JAKMIP3: variants seen among roughly 807,000 people sequenced by gnomAD.
The protein encoded by JAKMIP3 is janus kinase and microtubule-interacting protein 3.
JAKMIP3 carries 58 observed loss-of-function variants against 118.5 expected under a neutral mutation model. The ratio of observed to expected loss-of-function variants is 0.49; its 90% CI spans 0.40 to 0.61. JAKMIP3 has a LOEUF of 0.61. Among genes scored for constraint, JAKMIP3 ranks in the 20% least tolerant of loss-of-function variants. JAKMIP3 has a pLI of 0.00. For synonymous variants in JAKMIP3, 486 were observed against 451.2 expected (o/e 1.08, Z -0.98); for missense variants, 950 against 1,109.0 (o/e 0.86, Z 2.04).
rs564844954 is a variant in JAKMIP3, at chr10:132,054,890, C to T, written c.-138+18152C>T. ...CTGCACTCCTACACCGAGGACCCTC[C>T]GCTTGGGGATAGTGAGAGTCCTGCA... On this transcript the variant is annotated intron_variant, in intron 1 of 23. Coordinates refer to the JAKMIP3 transcript ENST00000657785. Among the ~76,000 whole-genome samples the T allele has an allele frequency of 5.9e-5, 9 of 151,840 alleles. No homozygotes were observed. In the South Asian group the frequency reaches 6.3e-4, roughly 11 times the overall value.
At position 132,116,345 on chromosome 10, in the gene JAKMIP3, C is replaced by T. The variant is rs543073387; in HGVS notation, c.136-732C>T. On this transcript the variant is annotated intron_variant, in intron 2 of 23. Transcript: ENST00000684848. ...GATGTGTGAGTGTGTGCATCATGGA[C>T]GCTCCCCCCGAATACACATTCAGGT... Among the ~76,000 whole-genome samples, 100 of 151,794 alleles carry T rather than the reference C, an allele frequency of 6.6e-4. 4 individuals are homozygous for T. In the South Asian group the frequency reaches 0.018, roughly 27 times the overall value.
intron 12 of JAKMIP3, among the ~76,000 whole-genome samples, 151 bp downstream of exon 12, chr10:132,145,341 G>A (rs1464208663): frequency 1.3e-5 from 2 of 152,232 alleles, no homozygotes. Flanking sequence ...AGCCTCCTGA[G>A]TAGCTGGGAC....
At chr10:132,143,909 AGGGCTCACATCCACGATTGT>A (rs974984833) in intron 11 of JAKMIP3, 6 of 152,250 alleles carry the variant, frequency 3.9e-5, no homozygotes, top group African/African-American at 1.4e-4. Context: ...CTCCAACCCA[AGGGCTCACATCCACGATTGT>A]GACCCCTTAA....
chr10:132,043,774 G>A (rs919645233), intron 1 of JAKMIP3, among the ~76,000 whole-genome samples: 13 of 152,200 alleles, frequency 8.5e-5, no homozygotes, highest in African/African-American at 3.1e-4. Context: ...ACCATGTGGG[G>A]AGGAAGAATT....
At chr10:132,097,976 TCCCC>T in intron 1 of JAKMIP3, among the ~76,000 whole-genome samples, 1 of 18,140 alleles carries the variant, frequency 5.5e-5, no homozygotes, top group Non-Finnish European at 1.2e-4. Context: ...CTTCCTTTTC[TCCCC>T]TTCCCCTTCC....
chr10:132,147,769 T>G (rs151054806), intron 13 of JAKMIP3, among the ~76,000 whole-genome samples, 183 bp from the exon 14 acceptor site: 1 of 152,360 alleles, frequency 6.6e-6, no homozygotes, highest in East Asian at 1.9e-4. Context: ...ACCGGATGGC[T>G]AGGCTATCTC....
intron 1 of JAKMIP3, among the ~76,000 whole-genome samples, chr10:132,045,789 C>G (rs1384822293): frequency 6.6e-6 from 1 of 151,988 alleles, no homozygotes; most frequent in Non-Finnish European, 1.5e-5. Flanking sequence ...AAAAAATTAG[C>G]TGGGCTTGGT....
intron 16 of JAKMIP3, among the ~76,000 whole-genome samples, chr10:132,150,950 A>G (rs2056068136): frequency 6.6e-6 from 1 of 151,648 alleles, no homozygotes; most frequent in Non-Finnish European, 1.5e-5. Context: ...TCCATCCTCC[A>G]TCTATCTATC....
At chr10:132,070,886 A>G (rs1183999384) in intron 1 of JAKMIP3, among the ~76,000 whole-genome samples, 1 of 152,212 alleles carries the variant, frequency 6.6e-6, no homozygotes, top group Admixed American at 6.5e-5. Flanking sequence ...GCTCCCATCC[A>G]TGCAGAAGGA....
At chr10:132,042,326 T>C (rs1380065315) in intron 1 of JAKMIP3, among the ~76,000 whole-genome samples, 1 of 151,710 alleles carries the variant, frequency 6.6e-6, no homozygotes, top group South Asian at 2.1e-4. Context: ...ATCCTCACAC[T>C]TCAACCTCCT....
At chr10:132,038,378 TG>T (rs1330489756) in intron 1 of JAKMIP3, among the ~76,000 whole-genome samples, 1 of 152,186 alleles carries the variant, frequency 6.6e-6, no homozygotes, top group Non-Finnish European at 1.5e-5. Flanking sequence ...TTCCAGGCTC[TG>T]GGGTTTGGTC....
At chr10:132,147,354 G>A (rs1007143853) in intron 13 of JAKMIP3, among the ~76,000 whole-genome samples, 7 of 152,340 alleles carry the variant, frequency 4.6e-5, no homozygotes, top group Middle Eastern at 6.8e-3. Flanking sequence ...GACACATGCC[G>A]TGGGCCGTGT....
chr10:132,157,421 T>C (rs1161337230), intron 19 of JAKMIP3, among the ~76,000 whole-genome samples: 1 of 152,080 alleles, frequency 6.6e-6, no homozygotes. Context: ...GCATTAGCTA[T>C]CACCAGCAAA....
intron 3 of JAKMIP3, among the ~76,000 whole-genome samples, chr10:132,119,517 A>G (rs965430465): frequency 2.6e-5 from 4 of 152,206 alleles, no homozygotes; most frequent in African/African-American, 9.6e-5. Flanking sequence ...CCTCTCTGCC[A>G]GATTGCACCT....
chr10:132,073,410 C>T (rs573679916), intron 1 of JAKMIP3, among the ~76,000 whole-genome samples: 12 of 152,080 alleles, frequency 7.9e-5, no homozygotes, highest in Non-Finnish European at 1.8e-4. Context: ...TGGTCTCAAT[C>T]TCCTGACCTT....
intron 1 of JAKMIP3, among the ~76,000 whole-genome samples, chr10:132,089,758 G>A (rs1215440970): frequency 6.6e-6 from 1 of 152,330 alleles, no homozygotes; most frequent in East Asian, 1.9e-4. Flanking sequence ...GAATAGGAGT[G>A]GTGAGAGAGG....
At chr10:132,054,417 T>C (rs1158384719) in intron 1 of JAKMIP3, among the ~76,000 whole-genome samples, 5 of 151,868 alleles carry the variant, frequency 3.3e-5, no homozygotes, top group Admixed American at 1.3e-4. Context: ...TCTTGGTTCG[T>C]GTTTCTGGTA....
intron 1 of JAKMIP3, among the ~76,000 whole-genome samples, 66 bp downstream of exon 1, chr10:132,066,127 G>A (rs1182823425): frequency 6.6e-6 from 1 of 152,152 alleles, no homozygotes; most frequent in Non-Finnish European, 1.5e-5. Flanking sequence ...CTCTGCACAG[G>A]CTCTTTCCAC....
At chr10:132,054,604 G>GA (rs1250135622) in intron 1 of JAKMIP3, among the ~76,000 whole-genome samples, 1 of 152,214 alleles carries the variant, frequency 6.6e-6, no homozygotes, top group African/African-American at 2.4e-5. Context: ...CTGGTGCCAA[G>GA]ACCTAGGTCA....
Sources: allele counts gnomAD v4.1 joint callset (sites outside exome capture counted in the v4.1 genomes callset), GRCh38; gene constraint gnomAD v4.1.1; transcripts MANE v1.5; gene names NCBI Gene and HGNC (gene_info 2026-07-23, HGNC 2026-07-21).